The following PDE10A variants were observed in gnomAD, a reference collection of about 807,000 sequenced individuals.
The protein encoded by PDE10A is cAMP and cAMP-inhibited cGMP 3',5'-cyclic phosphodiesterase 10A.
A neutral mutation model predicts 97.7 loss-of-function variants in PDE10A; 39 were observed. The ratio of observed to expected loss-of-function variants is 0.40; its 90% confidence interval spans 0.31 to 0.52. The LOEUF (loss-of-function observed/expected upper bound fraction) is 0.52. Among genes scored for constraint, PDE10A ranks in the 20% least tolerant of loss-of-function variants. The probability of loss-of-function intolerance (pLI) is 0.56; values close to 1 mark genes in which losing one functional copy is unlikely to be tolerated. For missense variants in PDE10A, 731 were observed against 1,047.8 expected, an observed-to-expected ratio of 0.70 and a Z score of 4.17; for synonymous variants, 371 against 376.8, an observed-to-expected ratio of 0.98 and a Z score of 0.18.
chr6:165,564,263 GTGCT>G (rs1443219311), intron 1 of PDE10A, among the ~76,000 whole-genome samples: 2 of 152,148 alleles, frequency 1.3e-5, no homozygotes, highest in Non-Finnish European at 2.9e-5. Flanking sequence ...ATGAGAGCTG[GTGCT>G]TGCTCCTTAT....
chr6:165,770,582 C>T (rs1163403483), intron 1 of PDE10A, among the ~76,000 whole-genome samples: 1 of 152,160 alleles, frequency 6.6e-6, no homozygotes, highest in African/African-American at 2.4e-5. Context: ...TGGAGCCAGC[C>T]TGGACTGCTA....
intron 2 of PDE10A, among the ~76,000 whole-genome samples, chr6:165,502,619 C>G (rs995141393): frequency 6.6e-6 from 1 of 152,148 alleles, no homozygotes; most frequent in African/African-American, 2.4e-5. Flanking sequence ...TTTTATAGTA[C>G]ACTGCTAAAC....
At chr6:165,358,014 T>C (rs766939809) in intron 18 of PDE10A, among the ~76,000 whole-genome samples, 22 of 152,258 alleles carry the variant, frequency 1.4e-4, no homozygotes, top group Middle Eastern at 3.4e-3. Flanking sequence ...ATAGTTTGTT[T>C]TCACTGTCAT....
intron 1 of PDE10A, among the ~76,000 whole-genome samples, chr6:165,573,689 A>C (rs1785163186): frequency 6.6e-6 from 1 of 152,236 alleles, no homozygotes; most frequent in Non-Finnish European, 1.5e-5. Context: ...AGCAAACATT[A>C]TTTCTGCCAA....
chr6:165,495,430 T>C (rs150828636), intron 2 of PDE10A, among the ~76,000 whole-genome samples: 2 of 152,236 alleles, frequency 1.3e-5, no homozygotes, highest in South Asian at 2.1e-4. Flanking sequence ...GAGACATTTC[T>C]AGCCAAATTA....
intron 1 of PDE10A, among the ~76,000 whole-genome samples, chr6:165,943,250 GGAAGGAAGGAAGGAAGGAAGGAAGGAAA>G (rs1299250796): frequency 4.5e-5 from 3 of 67,218 alleles, no homozygotes; most frequent in East Asian, 8.7e-4. Flanking sequence ...AAGGAAGGAA[GGAAGGAAGGAAGGAAGGAAGGAAGGAAA>G]GAAAGAAAGA....
chr6:165,581,388 C>G (rs1019663418), intron 1 of PDE10A, among the ~76,000 whole-genome samples: 1 of 152,154 alleles, frequency 6.6e-6, no homozygotes, highest in African/African-American at 2.4e-5. Context: ...AGTGCCCTCA[C>G]AAGAGCTGAG....
At position 165,336,125 on chromosome 6, in the gene PDE10A, G is replaced by C; in HGVS notation, c.3063C>G (p.Cys1021Trp). Residue 1021 changes from cysteine (C) to tryptophan (W), a missense_variant and splice_region_variant, in exon 21 of 22, where the codon TGC becomes TGG. Physicochemically the swap from Cys to Trp is radical, Grantham distance 215. Transcript: ENST00000539869. ...ACGGCTTGAACCATAGTACATACCT[G>C]CATGCTTTCAGAAGAGGCTCCGTGG... ...LPPTEPLLKA[C>W]RDNLSQWEKV... 6.2e-7 allele frequency: 1 copy of C among 1,606,204 alleles called. No individual in the cohort carries two copies. The highest frequency in any genetic ancestry group is 8.5e-7 in the Non-Finnish European group (1 of 1,172,988).
At chr6:165,787,485 G>C (rs1778527852) in intron 1 of PDE10A, among the ~76,000 whole-genome samples, 1 of 152,168 alleles carries the variant, frequency 6.6e-6, no homozygotes, top group African/African-American at 2.4e-5. Context: ...GATGGGGACA[G>C]AGCATCATTT....
intron 18 of PDE10A, among the ~76,000 whole-genome samples, chr6:165,371,678 A>G (rs575921786): frequency 6.6e-6 from 1 of 152,284 alleles, no homozygotes; most frequent in East Asian, 1.9e-4. Flanking sequence ...TTCCTTCTGA[A>G]ACTATTCCAA....
chr6:165,537,532 T>C (rs561495510), intron 2 of PDE10A, among the ~76,000 whole-genome samples: 2 of 152,036 alleles, frequency 1.3e-5, no homozygotes, highest in Non-Finnish European at 2.9e-5. Context: ...TAAATATGTA[T>C]AATTACTAAG....
At position 165,955,812 on chromosome 6, in the gene PDE10A, C is replaced by T. The variant is rs571630961; in HGVS notation, c.-615+31717G>A. 3.3e-5 allele frequency among the ~76,000 whole-genome samples: 5 copies of T among 152,240 alleles called. No individual in the cohort carries two copies. The East Asian group carries it at 7.7e-4, about 24-fold the overall frequency. ...ATGACAAATGAAAAGTTAAAAGCTGCCAATACCTGCACCTATATTTTGGAA... is the reference window on the plus strand; with the variant it reads ...ATGACAAATGAAAAGTTAAAAGCTGTCAATACCTGCACCTATATTTTGGAA... On this transcript the variant is annotated intron_variant, in intron 1 of 19. Coordinates refer to the PDE10A transcript ENST00000366882.
At chr6:165,870,101 CT>C (rs1781158885) in intron 1 of PDE10A, among the ~76,000 whole-genome samples, 6 of 151,970 alleles carry the variant, frequency 3.9e-5, no homozygotes, top group Admixed American at 3.9e-4. Context: ...ACAAACAGGA[CT>C]ATATAAAACT....
At chr6:165,827,671 G>A (rs929223837) in intron 1 of PDE10A, among the ~76,000 whole-genome samples, 2 of 152,032 alleles carry the variant, frequency 1.3e-5, no homozygotes, top group Admixed American at 1.3e-4. Flanking sequence ...ATTTTTTATT[G>A]CAATAGGTTT....
At chr6:165,774,643 A>G (rs953764403) in intron 1 of PDE10A, among the ~76,000 whole-genome samples, 11 of 148,380 alleles carry the variant, frequency 7.4e-5, no homozygotes, top group Non-Finnish European at 1.2e-4. Context: ...CTGGAAAAGA[A>G]CTACCAAATT....
At chr6:165,364,116 C>T (rs1478243624) in intron 18 of PDE10A, among the ~76,000 whole-genome samples, 1 of 152,184 alleles carries the variant, frequency 6.6e-6, no homozygotes, top group Non-Finnish European at 1.5e-5. Context: ...TGTTATTCTA[C>T]ATATTTGTAA....
intron 1 of PDE10A, among the ~76,000 whole-genome samples, chr6:165,701,699 G>T (rs1791577364): frequency 6.6e-6 from 1 of 151,460 alleles, no homozygotes; most frequent in Non-Finnish European, 1.5e-5. Flanking sequence ...AAGTGTGTTT[G>T]CATGTGTGCA....
chr6:165,817,369 G>A (rs548092623), intron 1 of PDE10A, among the ~76,000 whole-genome samples: 4 of 152,238 alleles, frequency 2.6e-5, no homozygotes, highest in Admixed American at 1.3e-4. Context: ...AGCAAGGGGA[G>A]GGCCGCAGGG....
intron 1 of PDE10A, among the ~76,000 whole-genome samples, chr6:165,771,580 A>G (rs1778010808): frequency 9.3e-6 from 1 of 107,658 alleles, no homozygotes; most frequent in Non-Finnish European, 2.1e-5. Context: ...TAAATAACAC[A>G]TTTGCAAAAA....
Sources: allele counts gnomAD v4.1 joint callset (sites outside exome capture counted in the v4.1 genomes callset), GRCh38; gene constraint gnomAD v4.1.1; transcripts MANE v1.5; gene names NCBI Gene and HGNC (gene_info 2026-07-23, HGNC 2026-07-21).